PLEKHA8: variants seen among roughly 807,000 people sequenced by gnomAD.
PLEKHA8 encodes the protein pleckstrin homology domain-containing family A member 8.
Under a neutral mutation model 68.2 loss-of-function variants are expected in PLEKHA8, and 36 were observed. The observed-to-expected ratio is 0.53, with a 90% CI of 0.40 to 0.70. The LOEUF (loss-of-function observed/expected upper bound fraction) is 0.70. Ranked by LOEUF, PLEKHA8 falls within the 30% of genes least tolerant of loss-of-function variation. The probability of loss-of-function intolerance (pLI) is 0.00; values close to 1 mark genes in which losing one functional copy is unlikely to be tolerated. For synonymous variants in PLEKHA8, 211 were observed against 216.1 expected (o/e 0.98, Z 0.20); for missense variants, 505 against 615.4 (o/e 0.82, Z 1.90).
chr7:30,114,797 C>T (rs141201008), intron 13 of PLEKHA8, among the ~76,000 whole-genome samples: 1 of 152,158 alleles, frequency 6.6e-6, no homozygotes. Context: ...AGATGTGGAA[C>T]TCTTTTTTGG....
Position 30,084,043 on chromosome 7 carries a change from A to G in PLEKHA8, c.*5256A>G. ...TCCCATGTATCATGAGAATTTCACT[A>G]GAATGTCATTAAACAGCCCAACTAC... On this transcript the variant is annotated 3_prime_UTR_variant, in exon 14 of 14. Transcript: ENST00000449726. 1.0e-6 allele frequency: 1 copy of G among 985,428 alleles called. No homozygotes were observed. Among genetic ancestry groups the G allele is most frequent in the South Asian group, 4.7e-5 (1 of 21,290 alleles). 61.0% of individuals were successfully genotyped at this position (985,428 alleles called of 1,614,324 possible).
chr7:30,047,320 C>T (rs1304300105), intron 3 of PLEKHA8, among the ~76,000 whole-genome samples: 1 of 152,072 alleles, frequency 6.6e-6, no homozygotes, highest in Non-Finnish European at 1.5e-5. Context: ...GGCTGGGTGC[C>T]ATTAGCCTTG....
At chr7:30,111,348 A>C (rs894113095) in intron 13 of PLEKHA8, among the ~76,000 whole-genome samples, 2 of 152,238 alleles carry the variant, frequency 1.3e-5, no homozygotes, top group Admixed American at 1.3e-4. Flanking sequence ...TTGACACACT[A>C]TCTTGATTTC....
chr7:30,117,893 A>T, intron 13 of PLEKHA8: 1 of 993,584 alleles, frequency 1.0e-6, no homozygotes, highest in Non-Finnish European at 1.5e-6. Context: ...CCTGTAGATT[A>T]AAGATTGCCA....
At position 30,073,563 on chromosome 7, in the gene PLEKHA8, T is replaced by TAAAA. The variant is rs35738941; in HGVS notation, c.1301-485_1301-482dup. Among the ~76,000 whole-genome samples the TAAAA allele has an allele frequency of 4.3e-3, 476 of 111,752 alleles. 7 individuals carry two copies. The highest frequency in any genetic ancestry group is 0.015 in the African/African-American group (421 of 28,048). The allele number at this position is 111,752 out of a possible 152,430, so 73.3% of individuals were successfully genotyped here. On this transcript the variant is annotated intron_variant, in intron 12 of 13. Transcript: ENST00000449726. The stretch of plus-strand genomic sequence containing the variant: ...TAAGAGTGGAAGTATTTGTGTTTCT[T>TAAAA]AAAAAAAAAAAAAAAAAAAAAAAAA...
chr7:30,078,325 G>T lies in PLEKHA8; in HGVS notation c.1363-265G>T, dbSNP rs1183895113. On this transcript the variant is annotated intron_variant, in intron 13 of 13. Transcript: ENST00000449726. ...AGCTTTTCTCAGACTCTCTCTCTCA[G>T]CATTCCCTGATGTGATAGCATTATT... Among the ~76,000 whole-genome samples the T allele has an allele frequency of 2.6e-5, 4 of 152,180 alleles. No individual in the cohort carries two copies. In the East Asian group the frequency reaches 7.7e-4, roughly 29 times the overall value.
chr7:30,049,458 A>C (rs140333261), intron 5 of PLEKHA8, 76 bp downstream of exon 5: 1 of 1,533,066 alleles, frequency 6.5e-7, no homozygotes, highest in East Asian at 2.3e-5. Context: ...TATGTTCTCT[A>C]TTACCCTTTA....
intron 13 of PLEKHA8, chr7:30,115,700 ACATGTATACATACGCGCATG>A (rs1796437676): frequency 6.9e-6 from 1 of 145,292 alleles, no homozygotes; most frequent in African/African-American, 2.6e-5. Context: ...ATACACGTAT[ACATGTATACATACGCGCATG>A]CATGCATACA....
chr7:30,121,616 G>A (rs1255251623), intron 13 of PLEKHA8, among the ~76,000 whole-genome samples: 1 of 150,420 alleles, frequency 6.6e-6, no homozygotes, highest in Non-Finnish European at 1.5e-5. Context: ...GCGACAGAGC[G>A]AGACCCTGTC....
intron 11 of PLEKHA8, 84 bp downstream of exon 11, chr7:30,062,111 A>G (rs1248889912): frequency 3.4e-6 from 5 of 1,455,212 alleles, no homozygotes; most frequent in African/African-American, 2.9e-5. Flanking sequence ...AAAGGAGACT[A>G]CTTCTGAGTG....
At position 30,096,472 on chromosome 7, in the gene PLEKHA8, A is replaced by G. The variant is rs1291782797; in HGVS notation, c.1362+22340A>G. ...ATATACAATCATGTCATCTGCAAACAGGGACAATTTGACTTCCTCTTTTCC... is the reference window on the plus strand; with the variant it reads ...ATATACAATCATGTCATCTGCAAACGGGGACAATTTGACTTCCTCTTTTCC... On this transcript the variant is annotated intron_variant, in intron 13 of 13. Transcript: ENST00000396257. Among the ~76,000 whole-genome samples, 19 of 152,194 alleles carry G rather than the reference A, an allele frequency of 1.2e-4. 1 individual carries two copies. Among genetic ancestry groups the G allele is most frequent in the Admixed American group, 1.2e-3 (19 of 15,276 alleles).
chr7:30,098,609 G>A (rs999591900), intron 13 of PLEKHA8, among the ~76,000 whole-genome samples: 29 of 152,340 alleles, frequency 1.9e-4, no homozygotes, highest in African/African-American at 3.4e-4. Context: ...GCGAGGCTCC[G>A]TGGGCGTAGG....
At chr7:30,086,121 A>G (rs1320585022), downstream of PLEKHA8, among the ~76,000 whole-genome samples, 3 of 152,182 alleles carry the variant, frequency 2.0e-5, no homozygotes, top group Admixed American at 6.5e-5. Flanking sequence ...ATTGTTCCAC[A>G]CTGAATATAG....
chr7:30,041,504 C>T (rs527540550), intron 1 of PLEKHA8, among the ~76,000 whole-genome samples: 7 of 149,362 alleles, frequency 4.7e-5, no homozygotes, highest in South Asian at 2.1e-4. Context: ...ACTGTAGTCT[C>T]GAACTCCTAG....
intron 13 of PLEKHA8, among the ~76,000 whole-genome samples, chr7:30,097,428 G>A (rs370707064): frequency 6.6e-6 from 1 of 152,226 alleles, no homozygotes. Context: ...GTGTTTTCCA[G>A]CTTGGTTCCA....
Position 30,080,135 on chromosome 7 carries a change from A to G in PLEKHA8, c.*1348A>G. On this transcript the variant is annotated 3_prime_UTR_variant, in exon 14 of 14. Coordinates refer to ENST00000449726, the MANE Select transcript of PLEKHA8 (RefSeq NM_001197026.2). ...AATGCAGCTGTTTATCAATCTCAAA[A>G]GCTTTGGGACAGTGTCATAGTTGAA... 1.0e-6 allele frequency: 1 copy of G among 985,374 alleles called. No individual in the cohort carries two copies. The highest frequency in any genetic ancestry group is 1.2e-6 in the Non-Finnish European group (1 of 829,900). The allele number at this position is 985,374 out of a possible 1,614,324, so 61.0% of individuals were successfully genotyped here.
At chr7:30,055,143 A>T in intron 8 of PLEKHA8, 114 bp from the exon 9 acceptor site, 1 of 939,880 alleles carries the variant, frequency 1.1e-6, no homozygotes, top group Non-Finnish European at 1.7e-6. Flanking sequence ...GGGCATATCA[A>T]GTCAAACGAT....
At chr7:30,044,099 C>T (rs192327306) in intron 1 of PLEKHA8, among the ~76,000 whole-genome samples, 20 of 151,008 alleles carry the variant, frequency 1.3e-4, no homozygotes, top group Admixed American at 3.3e-4. Flanking sequence ...CTTCGCCTTC[C>T]GGGTTCAAGC....
intron 1 of PLEKHA8, among the ~76,000 whole-genome samples, chr7:30,030,672 C>A (rs1790593135): frequency 1.3e-5 from 2 of 152,144 alleles, no homozygotes; most frequent in Admixed American, 6.5e-5. Flanking sequence ...TTCATAGAAG[C>A]CCATCACACC....
Sources: gnomAD v4.1 joint callset for allele counts (sites outside exome capture counted in the v4.1 genomes callset) on GRCh38, gnomAD v4.1.1 for gene constraint, MANE v1.5 for transcripts, NCBI Gene and HGNC (gene_info 2026-07-23, HGNC 2026-07-21) for gene names.